SBF2: variants seen among roughly 807,000 people sequenced by gnomAD.
SBF2 encodes the protein SET binding factor 2.
Under a neutral mutation model 225.2 loss-of-function variants are expected in SBF2, and 112 were observed. The observed-to-expected ratio is 0.50, with a 90% CI of 0.43 to 0.58. The LOEUF (loss-of-function observed/expected upper bound fraction) is 0.58. Among genes scored for constraint, SBF2 ranks in the 20% least tolerant of loss-of-function variants. The pLI is 0.00. For missense variants in SBF2, 1,996 were observed against 2,206.2 expected, an observed-to-expected ratio of 0.90 and a Z score of 1.91; for synonymous variants, 763 against 773.3, an observed-to-expected ratio of 0.99 and a Z score of 0.22.
At chr11:10,112,974 G>C (rs1469249473) in intron 2 of SBF2, among the ~76,000 whole-genome samples, 37 of 152,056 alleles carry the variant, frequency 2.4e-4, no homozygotes, top group Non-Finnish European at 1.5e-5. Flanking sequence ...GTATCTCATA[G>C]AGATCATTCT....
At chr11:9,823,978 T>A (rs1854922452) in intron 28 of SBF2, among the ~76,000 whole-genome samples, 1 of 152,294 alleles carries the variant, frequency 6.6e-6, no homozygotes, top group African/African-American at 2.4e-5. Context: ...AGCACCTGGT[T>A]AGGAGTAAAA....
chr11:9,782,474 T>C (rs1422766269), intron 38 of SBF2, among the ~76,000 whole-genome samples: 2 of 152,232 alleles, frequency 1.3e-5, no homozygotes, highest in Admixed American at 6.5e-5. Flanking sequence ...AATAAGGTAC[T>C]AGATCATCTC....
At chr11:10,187,154 A>G (rs1041414230) in intron 2 of SBF2, among the ~76,000 whole-genome samples, 1 of 152,142 alleles carries the variant, frequency 6.6e-6, no homozygotes, top group Admixed American at 6.5e-5. Flanking sequence ...AACTTTTACT[A>G]TCCTCCATGC....
At chr11:10,249,000 G>T (rs1960071956) in intron 1 of SBF2, among the ~76,000 whole-genome samples, 1 of 152,050 alleles carries the variant, frequency 6.6e-6, no homozygotes, top group Non-Finnish European at 1.5e-5. Flanking sequence ...GGAGGCTGAG[G>T]CAGGAGAATG....
rs528489206 is a variant in SBF2 at position 9,805,212 on chromosome 11, C to T, written c.4443+2788G>A. Among the ~76,000 whole-genome samples, 6 of 151,326 alleles carry T rather than the reference C, an allele frequency of 4.0e-5. No homozygotes were observed. The South Asian group carries it at 1.0e-3, about 26-fold the overall frequency. On this transcript the variant is annotated intron_variant, in intron 32 of 39. Coordinates refer to ENST00000256190, the MANE Select transcript of SBF2 (RefSeq NM_030962.4). ...AGTGAGCCGAGATCACACCACTACACTCCAACCTAGGTGACAGAGTGAGAC... is the reference window on the plus strand; with the variant it reads ...AGTGAGCCGAGATCACACCACTACATTCCAACCTAGGTGACAGAGTGAGAC...
chr11:10,256,361 A>T (rs1443858653), intron 1 of SBF2, among the ~76,000 whole-genome samples: 1 of 152,192 alleles, frequency 6.6e-6, no homozygotes, highest in African/African-American at 2.4e-5. Flanking sequence ...GATATCTCAC[A>T]TTGAAATTCC....
intron 2 of SBF2, among the ~76,000 whole-genome samples, chr11:10,047,365 A>T (rs1405543840): frequency 6.6e-6 from 1 of 152,188 alleles, no homozygotes; most frequent in Non-Finnish European, 1.5e-5. Context: ...AAACTTTGAG[A>T]CCTACCAGGA....
chr11:10,230,387 T>C (rs925355975), intron 1 of SBF2, among the ~76,000 whole-genome samples: 3 of 152,234 alleles, frequency 2.0e-5, no homozygotes, highest in Non-Finnish European at 2.9e-5. Flanking sequence ...TGTTAGTTGA[T>C]GCAGTTTCTT....
At position 10,031,153 on chromosome 11, in the gene SBF2, CTCT is replaced by C; in HGVS notation, c.294_296del (p.Glu99del). ...CAGACACTTTTGCTTCACCTTCAAT[CTCT>C]TCCTTCTTTGTTCCCTAGAAAAAGA... On this transcript the variant is annotated inframe_deletion, in exon 4 of 40. Transcript: ENST00000256190. 1 of 1,613,522 alleles carries C rather than the reference CTCT, an allele frequency of 6.2e-7. No individual in the cohort carries two copies. The highest frequency in any genetic ancestry group is 1.1e-5 in the South Asian group (1 of 91,058).
chr11:10,293,079 A>G (rs764331650), intron 1 of SBF2, among the ~76,000 whole-genome samples: 5 of 152,224 alleles, frequency 3.3e-5, no homozygotes, highest in Non-Finnish European at 5.9e-5. Context: ...TGTAGAGCTG[A>G]TATCTCAAAT....
intron 1 of SBF2, among the ~76,000 whole-genome samples, chr11:10,199,923 A>G (rs1957513958): frequency 6.6e-6 from 1 of 152,190 alleles, no homozygotes; most frequent in Non-Finnish European, 1.5e-5. Context: ...TAAAAATAGA[A>G]CTATCATATG....
At chr11:9,809,040 C>G (rs142982177) in intron 30 of SBF2, 38 bp from the exon 31 acceptor site, 5 of 1,518,234 alleles carry the variant, frequency 3.3e-6, no homozygotes, top group Non-Finnish European at 4.6e-6. Context: ...AGACCAAGCG[C>G]TTTCTGAGTG....
At chr11:10,210,763 AG>A (rs201006136) in intron 1 of SBF2, among the ~76,000 whole-genome samples, 14,437 of 151,966 alleles carry the variant, frequency 0.095, 929 homozygotes, top group East Asian at 0.28. Context: ...CTGTAATCCC[AG>A]CACTTTGGGA....
chr11:10,104,929 T>G (rs1262012667), intron 2 of SBF2, among the ~76,000 whole-genome samples: 1 of 152,228 alleles, frequency 6.6e-6, no homozygotes, highest in African/African-American at 2.4e-5. Context: ...CTTGCATTCC[T>G]GGAATAAAGT....
intron 13 of SBF2, among the ~76,000 whole-genome samples, chr11:9,974,964 AAAAAAAAAAAAAAAAAAAAAAAAAG>A (rs1237970592): frequency 3.4e-5 from 3 of 88,354 alleles, no homozygotes; most frequent in African/African-American, 1.2e-4. Flanking sequence ...TTGACTCAAA[AAAAAAAAAAAAAAAAAAAAAAAAAG>A]AAAAAAAGAA....
intron 13 of SBF2, among the ~76,000 whole-genome samples, chr11:9,971,098 C>T (rs1376812362): frequency 1.3e-5 from 2 of 151,692 alleles, no homozygotes. Flanking sequence ...TCTTTTTTTT[C>T]AGGCTGGCCA....
At chr11:10,017,896 C>T (rs1463476475) in intron 6 of SBF2, among the ~76,000 whole-genome samples, 1 of 152,146 alleles carries the variant, frequency 6.6e-6, no homozygotes, top group Non-Finnish European at 1.5e-5. Flanking sequence ...CCTTCTTGAA[C>T]ATTCTAATTG....
chr11:9,825,480 C>T (rs1855010656), intron 28 of SBF2, among the ~76,000 whole-genome samples: 1 of 152,110 alleles, frequency 6.6e-6, no homozygotes, highest in South Asian at 2.1e-4. Context: ...GAAACCAATA[C>T]AACGACTTCA....
chr11:10,268,464 C>T (rs72850480), intron 1 of SBF2, among the ~76,000 whole-genome samples: 1 of 152,070 alleles, frequency 6.6e-6, no homozygotes, highest in African/African-American at 2.4e-5. Context: ...ATACAGTACA[C>T]AAAAAGCTAC....
Sources: allele counts gnomAD v4.1 joint callset (sites outside exome capture counted in the v4.1 genomes callset), GRCh38; gene constraint gnomAD v4.1.1; transcripts MANE v1.5; gene names NCBI Gene and HGNC (gene_info 2026-07-23, HGNC 2026-07-21).